The following STMN1 variants were observed in gnomAD, a reference collection of about 807,000 sequenced individuals.
The protein encoded by STMN1 is stathmin.
STMN1 carries 3 observed loss-of-function variants against 19.7 expected under a neutral mutation model. That is an observed-to-expected ratio of 0.15 (90% CI 0.07 to 0.39). STMN1 has a LOEUF of 0.39. Among genes scored for constraint, STMN1 ranks in the 10% least tolerant of loss-of-function variants. The pLI is 1.00. For missense variants in STMN1, 99 were observed against 176.0 expected (o/e 0.56, Z 2.48); for synonymous variants, 59 against 58.9 (o/e 1.00, Z -0.01).
chr1:25,896,372 T>C (rs1325985744), downstream of STMN1, among the ~76,000 whole-genome samples: 1 of 152,116 alleles, frequency 6.6e-6, no homozygotes, highest in Non-Finnish European at 1.5e-5. Context: ...CCCATCCCAG[T>C]GAATACTGGG....
At chr1:25,889,121 T>A (rs1037974754) in intron 4 of STMN1, 18 of 459,474 alleles carry the variant, frequency 3.9e-5, no homozygotes, top group Non-Finnish European at 6.8e-5. Flanking sequence ...GAATTCCACA[T>A]GAGATGGCAC....
downstream of STMN1, among the ~76,000 whole-genome samples, chr1:25,898,014 T>C (rs1018217099): frequency 6.6e-6 from 1 of 152,152 alleles, no homozygotes; most frequent in Non-Finnish European, 1.5e-5. Context: ...ACAGCCACCA[T>C]GGCCACCGTA....
At chr1:25,900,077 T>C (rs2048853771), downstream of STMN1, 2 of 985,568 alleles carry the variant, frequency 2.0e-6, no homozygotes, top group Admixed American at 1.2e-4. Context: ...AATGCTACTT[T>C]AGAAATAATT....
chr1:25,886,616 T>G (rs533335491), intron 4 of STMN1, among the ~76,000 whole-genome samples: 3 of 128,432 alleles, frequency 2.3e-5, no homozygotes, highest in South Asian at 5.1e-4. Context: ...GGGGATGGAG[T>G]CTCACTCTGT....
chr1:25,889,004 A>G (rs1416269818), intron 4 of STMN1: 2 of 494,376 alleles, frequency 4.0e-6, no homozygotes, highest in Non-Finnish European at 4.1e-6. Flanking sequence ...TCAAGAAACA[A>G]AAGCAAAATC....
intron 4 of STMN1, chr1:25,892,555 G>GGCTGAGCC (rs142059174): frequency 1.4e-4 from 137 of 985,190 alleles, no homozygotes; most frequent in Middle Eastern, 5.2e-4. Flanking sequence ...ATGCCACCAC[G>GGCTGAGCC]GCTGAGCCGC....
downstream of STMN1, among the ~76,000 whole-genome samples, chr1:25,896,922 C>G (rs377063887): frequency 6.6e-6 from 1 of 152,158 alleles, no homozygotes; most frequent in Admixed American, 6.5e-5. Context: ...CTCAGGTGGT[C>G]TGCAATCCAA....
chr1:25,894,151 G>A (rs2048799089), intron 4 of STMN1, among the ~76,000 whole-genome samples: 1 of 152,214 alleles, frequency 6.6e-6, no homozygotes, highest in Non-Finnish European at 1.5e-5. Context: ...GGGAAGATGA[G>A]GGAATGTACT....
At position 25,904,827 on chromosome 1, in the gene STMN1, C is replaced by T. The variant is rs111610843; in HGVS notation, c.-62-89G>A. The T allele has an allele frequency of 2.1e-4, 176 of 850,348 alleles. No individual in the cohort carries two copies. The African/African-American group carries it at 2.7e-3, about 13-fold the overall frequency. The allele number at this position is 850,348 out of a possible 1,614,324, so 52.7% of individuals were successfully genotyped here. A position where few individuals can be genotyped will look rare whatever the true frequency, so the allele number is the denominator to read the frequency against. On this transcript the variant is annotated intron_variant, in intron 1 of 4. Coordinates refer to ENST00000455785, the MANE Select transcript of STMN1 (RefSeq NM_005563.4). The stretch of plus-strand genomic sequence containing the variant: ...AAAAATCTCACATCACATCTACATA[C>T]ATCGTCAGAAAAATACGTGGAATAA...
chr1:25,899,495 G>A (rs2048849113), downstream of STMN1, among the ~76,000 whole-genome samples: 1 of 152,154 alleles, frequency 6.6e-6, no homozygotes, highest in Admixed American at 6.5e-5. Context: ...CCCTACATGG[G>A]CGTAACTCCT....
chr1:25,890,882 C>G (rs2048768286), intron 4 of STMN1, among the ~76,000 whole-genome samples: 1 of 152,078 alleles, frequency 6.6e-6, no homozygotes. Flanking sequence ...GAATGGGACC[C>G]CCGCCATCTG....
At chr1:25,893,392 G>C (rs374641310) in intron 4 of STMN1, among the ~76,000 whole-genome samples, 2 of 152,106 alleles carry the variant, frequency 1.3e-5, no homozygotes, top group African/African-American at 4.8e-5. Flanking sequence ...AGAGCACAAG[G>C]TTCCTGTACC....
In STMN1 at chr1:25,894,985, A is replaced by T. The variant is rs2048805900; in HGVS notation, c.378+6506T>A. ...TACCCAGCTGGTGTCTGGCCCATAG[A>T]GGTGCCAGCAAGTGTTTGGTGACTG... On this transcript the variant is annotated intron_variant, in intron 4 of 4. Transcript: ENST00000426559. Among the ~76,000 whole-genome samples, 3 of 151,316 alleles carry T rather than the reference A, an allele frequency of 2.0e-5. No individual in the cohort carries two copies. In the South Asian group the frequency reaches 6.3e-4, roughly 32 times the overall value.
downstream of STMN1, among the ~76,000 whole-genome samples, chr1:25,899,402 C>A (rs1013417569): frequency 1.3e-5 from 2 of 152,348 alleles, no homozygotes; most frequent in African/African-American, 4.8e-5. Flanking sequence ...CCACTGCACA[C>A]AAGCCTCATC....
chr1:25,901,337 T>G, intron 4 of STMN1, 154 bp downstream of exon 4: 2 of 1,161,100 alleles, frequency 1.7e-6, no homozygotes, highest in Non-Finnish European at 2.4e-6. Context: ...TTACTGAATA[T>G]TCCATCTTAA....
intron 4 of STMN1, among the ~76,000 whole-genome samples, chr1:25,890,674 A>G (rs982286221): frequency 1.3e-5 from 2 of 152,206 alleles, no homozygotes; most frequent in Non-Finnish European, 2.9e-5. Flanking sequence ...GTAGTCATCT[A>G]GCTGCTGTTA....
chr1:25,900,168 C>A lies in STMN1; in HGVS notation c.*848G>T. 1 of 985,836 alleles carries A rather than the reference C, an allele frequency of 1.0e-6. No homozygotes were observed. Among genetic ancestry groups the A allele is most frequent in the Non-Finnish European group, 1.2e-6 (1 of 829,934 alleles). 61.1% of individuals were successfully genotyped at this position (985,836 alleles called of 1,614,324 possible). On this transcript the variant is annotated 3_prime_UTR_variant, in exon 5 of 5. Transcript: ENST00000455785. Reference sequence around the variant, plus strand: ...TAATATTCTGATTCTCGTGTCATAGCTTTTATGGCAGGAAAGGATGAGGAC... The same window carrying A: ...TAATATTCTGATTCTCGTGTCATAGATTTTATGGCAGGAAAGGATGAGGAC...
At chr1:25,891,840 C>T (rs1262106972) in intron 4 of STMN1, among the ~76,000 whole-genome samples, 4 of 152,148 alleles carry the variant, frequency 2.6e-5, no homozygotes, top group Non-Finnish European at 5.9e-5. Flanking sequence ...AAATGGCAGG[C>T]TGGGGAGACC....
downstream of STMN1, among the ~76,000 whole-genome samples, chr1:25,897,004 G>A (rs79915741): frequency 0.011 from 1,618 of 152,310 alleles, 17 homozygotes; most frequent in Non-Finnish European, 0.017. Flanking sequence ...CATCCAAAGG[G>A]GGAAGCTTTT....
Sources: allele counts gnomAD v4.1 joint callset (sites outside exome capture counted in the v4.1 genomes callset), GRCh38; gene constraint gnomAD v4.1.1; transcripts MANE v1.5; gene names NCBI Gene and HGNC (gene_info 2026-07-23, HGNC 2026-07-21).